Variants in TRPC4 observed in about 807,000 individuals in gnomAD.
TRPC4 encodes the protein short transient receptor potential channel 4.
A neutral mutation model predicts 99.4 loss-of-function variants in TRPC4; 49 were observed. The ratio of observed to expected loss-of-function variants is 0.49; its 90% CI spans 0.39 to 0.63. The LOEUF is 0.63. TRPC4 is among the 20% of genes least tolerant of loss of function. The pLI, the probability that TRPC4 is intolerant of heterozygous loss-of-function variation, is 0.00. For synonymous variants in TRPC4, 454 were observed against 425.9 expected, an observed-to-expected ratio of 1.07 and a Z score of -0.81; for missense variants, 898 against 1,152.9, an observed-to-expected ratio of 0.78 and a Z score of 3.20.
chr13:37,783,686 G>A (rs1288492755), intron 1 of TRPC4, among the ~76,000 whole-genome samples: 1 of 151,950 alleles, frequency 6.6e-6, no homozygotes, highest in Non-Finnish European at 1.5e-5. Context: ...ATTATATATA[G>A]TTTTCAATCA....
At chr13:37,835,052 A>AT (rs932582779) in intron 1 of TRPC4, among the ~76,000 whole-genome samples, 21 of 148,932 alleles carry the variant, frequency 1.4e-4, no homozygotes, top group South Asian at 4.2e-4. Context: ...TTTTTTTTTA[A>AT]TTTTTTTTTT....
chr13:37,841,895 T>A (rs557122364), intron 1 of TRPC4, among the ~76,000 whole-genome samples: 176 of 152,198 alleles, frequency 1.2e-3, no homozygotes, highest in African/African-American at 4.0e-3. Flanking sequence ...TGGACAGGTA[T>A]CCCAGATAAA....
chr13:37,651,112 T>C (rs1217759986), intron 8 of TRPC4, 153 bp downstream of exon 8: 2 of 812,606 alleles, frequency 2.5e-6, no homozygotes, highest in African/African-American at 1.7e-5. Flanking sequence ...AATCAGACAC[T>C]GCCTTAGTCA....
At chr13:37,670,200 G>A (rs960314131) in intron 5 of TRPC4, among the ~76,000 whole-genome samples, 3 of 152,112 alleles carry the variant, frequency 2.0e-5, no homozygotes, top group African/African-American at 4.8e-5. Context: ...TGTTGTTTAA[G>A]CCACCCAATC....
chr13:37,796,637 G>A (rs889763182), intron 1 of TRPC4, among the ~76,000 whole-genome samples: 5 of 151,948 alleles, frequency 3.3e-5, no homozygotes, highest in Non-Finnish European at 5.9e-5. Context: ...CTAAATATTA[G>A]TACCTCAGAT....
rs1953738791 is a variant in TRPC4 at position 37,692,237 on chromosome 13, T to A, written c.996A>T (p.Thr332=). The A allele has an allele frequency of 1.9e-6, 3 of 1,614,016 alleles. No homozygotes were observed. Among genetic ancestry groups the A allele is most frequent in the Non-Finnish European group, 2.5e-6 (3 of 1,180,034 alleles). ...GAAAAAGAAGTCCTATTATGAAACA[T>A]GTCACCATCTTCACTGCCCAGTGTC... The part of the protein sequence containing the change: ...RRRHWAVKMV[T]CFIIGLLFPV... The change falls in exon 4 of 11, where the codon ACA becomes ACT. Residue 332 remains threonine, a synonymous_variant. Transcript: ENST00000379705.
At chr13:37,690,680 C>T (rs540574860) in intron 4 of TRPC4, among the ~76,000 whole-genome samples, 1 of 152,322 alleles carries the variant, frequency 6.6e-6, no homozygotes, top group East Asian at 1.9e-4. Context: ...TAAAGTTCAC[C>T]TGAGGATTTT....
intron 3 of TRPC4, among the ~76,000 whole-genome samples, chr13:37,692,750 A>C (rs1298271174): frequency 6.6e-6 from 1 of 152,144 alleles, no homozygotes; most frequent in Admixed American, 6.5e-5. Context: ...CATTACACTT[A>C]ATTTTTATTT....
chr13:37,855,759 T>G (rs1433169133), intron 1 of TRPC4, among the ~76,000 whole-genome samples: 2 of 151,882 alleles, frequency 1.3e-5, no homozygotes, highest in Non-Finnish European at 2.9e-5. Flanking sequence ...ACATGGAAAT[T>G]AAATAATATG....
At chr13:37,748,584 C>G (rs956695973) in intron 2 of TRPC4, among the ~76,000 whole-genome samples, 6 of 151,370 alleles carry the variant, frequency 4.0e-5, no homozygotes, top group African/African-American at 1.5e-4. Context: ...AGTTTTAATA[C>G]TCAATAAACC....
At chr13:37,796,026 AC>A (rs1190055821) in intron 1 of TRPC4, among the ~76,000 whole-genome samples, 1 of 152,036 alleles carries the variant, frequency 6.6e-6, no homozygotes, top group East Asian at 1.9e-4. Flanking sequence ...TGTGGTAAAA[AC>A]CTTCAGGCTA....
chr13:37,697,276 A>G (rs1226844575), intron 3 of TRPC4, among the ~76,000 whole-genome samples: 6 of 152,196 alleles, frequency 3.9e-5, no homozygotes. Context: ...CATTGGGACT[A>G]ATTATGTAAC....
At chr13:37,837,269 C>G (rs1351424376) in intron 1 of TRPC4, among the ~76,000 whole-genome samples, 1 of 152,228 alleles carries the variant, frequency 6.6e-6, no homozygotes, top group South Asian at 2.1e-4. Context: ...CAGGGCACCA[C>G]CTAGTGGATC....
intron 3 of TRPC4, among the ~76,000 whole-genome samples, chr13:37,714,827 C>G (rs1158783347): frequency 6.6e-6 from 1 of 152,086 alleles, no homozygotes; most frequent in Non-Finnish European, 1.5e-5. Flanking sequence ...CTTCATAATG[C>G]TTTTCAAAGA....
At chr13:37,710,472 C>T (rs1177442794) in intron 3 of TRPC4, among the ~76,000 whole-genome samples, 2 of 151,826 alleles carry the variant, frequency 1.3e-5, no homozygotes, top group African/African-American at 4.8e-5. Context: ...ATTACCTACA[C>T]CACACAGAAA....
At chr13:37,820,326 T>C (rs1957977200) in intron 1 of TRPC4, among the ~76,000 whole-genome samples, 1 of 151,884 alleles carries the variant, frequency 6.6e-6, no homozygotes, top group Non-Finnish European at 1.5e-5. Flanking sequence ...AGAACATGTC[T>C]AGGATATGAT....
At chr13:37,783,822 T>G (rs2139353755) in intron 1 of TRPC4, among the ~76,000 whole-genome samples, 1 of 152,274 alleles carries the variant, frequency 6.6e-6, no homozygotes, top group South Asian at 2.1e-4. Flanking sequence ...CCATTATGTT[T>G]GCAAAATATT....
chr13:37,685,913 A>G (rs1018859438), intron 4 of TRPC4, among the ~76,000 whole-genome samples: 7 of 142,582 alleles, frequency 4.9e-5, no homozygotes, highest in Non-Finnish European at 7.9e-5. Flanking sequence ...AGATGATGTT[A>G]AAATATTTTT....
chr13:37,723,548 T>C (rs1487770412), intron 3 of TRPC4, among the ~76,000 whole-genome samples: 1 of 152,044 alleles, frequency 6.6e-6, no homozygotes, highest in African/African-American at 2.4e-5. Flanking sequence ...AGATGCAAAT[T>C]ATTGTTTTTT....
Sources: allele counts gnomAD v4.1 joint callset (sites outside exome capture counted in the v4.1 genomes callset), GRCh38; gene constraint gnomAD v4.1.1; transcripts MANE v1.5; gene names NCBI Gene and HGNC (gene_info 2026-07-23, HGNC 2026-07-21).